Variants in ZDHHC14 observed in about 807,000 individuals in gnomAD.
ZDHHC14 encodes palmitoyltransferase ZDHHC14.
Under a neutral mutation model 47.7 loss-of-function variants are expected in ZDHHC14, and 16 were observed. That is an observed-to-expected ratio of 0.34 (90% CI 0.23 to 0.51). The LOEUF is 0.51. Ranked by LOEUF, ZDHHC14 falls within the 20% of genes least tolerant of loss-of-function variation. The pLI, the probability that ZDHHC14 is intolerant of heterozygous loss-of-function variation, is 0.97. For missense variants in ZDHHC14, 515 were observed against 662.5 expected (o/e 0.78, Z 2.44); for synonymous variants, 293 against 278.9 (o/e 1.05, Z -0.50).
chr6:157,412,779 C>G (rs1042992344), intron 1 of ZDHHC14, among the ~76,000 whole-genome samples: 3 of 152,178 alleles, frequency 2.0e-5, no homozygotes, highest in African/African-American at 4.8e-5. Context: ...ACGTCAGAAT[C>G]AGAGCAAAAC....
intron 3 of ZDHHC14, among the ~76,000 whole-genome samples, chr6:157,610,298 G>A (rs1784703460): frequency 2.6e-5 from 4 of 152,150 alleles, no homozygotes; most frequent in South Asian, 2.1e-4. Context: ...CAGGCGCGGT[G>A]GCAGGTGCCT....
intron 1 of ZDHHC14, among the ~76,000 whole-genome samples, chr6:157,500,876 C>T (rs1284121678): frequency 2.0e-5 from 3 of 152,172 alleles, no homozygotes; most frequent in African/African-American, 7.2e-5. Flanking sequence ...CCTTTTAAAA[C>T]CCTTTTCTCA....
intron 2 of ZDHHC14, among the ~76,000 whole-genome samples, chr6:157,543,371 A>C (rs1033635432): frequency 6.6e-6 from 1 of 151,732 alleles, no homozygotes; most frequent in Non-Finnish European, 1.5e-5. Context: ...AATTAAAAGG[A>C]GTGCTTTTTC....
chr6:157,660,574 CTA>C (rs1232442768), intron 8 of ZDHHC14, among the ~76,000 whole-genome samples: 1 of 152,212 alleles, frequency 6.6e-6, no homozygotes, highest in East Asian at 1.9e-4. Flanking sequence ...AGACCTGGCC[CTA>C]TGTCTAGGAG....
chr6:157,647,997 C>T (rs1433082030), intron 7 of ZDHHC14, among the ~76,000 whole-genome samples: 1 of 152,136 alleles, frequency 6.6e-6, no homozygotes, highest in African/African-American at 2.4e-5. Flanking sequence ...AAGTGAGGCA[C>T]AGAGTTTAAA....
chr6:157,648,863 G>C (rs145899685), intron 7 of ZDHHC14, among the ~76,000 whole-genome samples: 274 of 152,278 alleles, frequency 1.8e-3, no homozygotes, highest in Non-Finnish European at 3.1e-3. Context: ...TCAGGAAACA[G>C]TAAGAGCCAG....
intron 1 of ZDHHC14, among the ~76,000 whole-genome samples, chr6:157,476,003 G>A (rs1010012131): frequency 2.0e-5 from 3 of 151,906 alleles, no homozygotes; most frequent in South Asian, 2.1e-4. Context: ...TCAAAAAAGA[G>A]GAAAGATCCC....
At chr6:157,397,872 G>T (rs1299397235) in intron 1 of ZDHHC14, among the ~76,000 whole-genome samples, 3 of 152,136 alleles carry the variant, frequency 2.0e-5, no homozygotes, top group Non-Finnish European at 2.9e-5. Context: ...TGTCCATCAC[G>T]GTTAATGACA....
At chr6:157,418,069 C>A (rs546371910) in intron 1 of ZDHHC14, among the ~76,000 whole-genome samples, 6 of 152,170 alleles carry the variant, frequency 3.9e-5, no homozygotes, top group African/African-American at 9.7e-5. Flanking sequence ...GCACTTACCC[C>A]ACATGGTCCC....
intron 1 of ZDHHC14, among the ~76,000 whole-genome samples, chr6:157,484,262 T>G (rs936968734): frequency 1.4e-5 from 2 of 142,174 alleles, no homozygotes; most frequent in African/African-American, 5.1e-5. Flanking sequence ...GTTATTTATA[T>G]ATATATGTAT....
chr6:157,614,148 G>A (rs1038227838), intron 3 of ZDHHC14, among the ~76,000 whole-genome samples: 1 of 152,126 alleles, frequency 6.6e-6, no homozygotes, highest in Admixed American at 6.5e-5. Flanking sequence ...GGATGGGGGG[G>A]CGGGGAGTGC....
At chr6:157,564,666 C>T (rs1197051882) in intron 2 of ZDHHC14, among the ~76,000 whole-genome samples, 1 of 152,194 alleles carries the variant, frequency 6.6e-6, no homozygotes, top group Non-Finnish European at 1.5e-5. Flanking sequence ...GAAATAATTT[C>T]TTAAATCTGT....
At chr6:157,390,173 G>C (rs1777394550) in intron 1 of ZDHHC14, among the ~76,000 whole-genome samples, 1 of 152,050 alleles carries the variant, frequency 6.6e-6, no homozygotes, top group Admixed American at 6.6e-5. Flanking sequence ...ACTAGATGTA[G>C]AATTCTAGGT....
intron 7 of ZDHHC14, among the ~76,000 whole-genome samples, chr6:157,651,116 T>C (rs969113448): frequency 6.6e-6 from 1 of 152,212 alleles, no homozygotes; most frequent in African/African-American, 2.4e-5. Context: ...GGCACTGCAG[T>C]CCAACAAGTG....
At position 157,438,915 on chromosome 6, in the gene ZDHHC14, G is replaced by A. The variant is rs184332006; in HGVS notation, c.245+56649G>A. ...TTATAAGTGATAAATTCAGAGTATT[G>A]TCTGGGCGGTAGAGAGTGCCAAGAA... On this transcript the variant is annotated intron_variant, in intron 1 of 8. Transcript: ENST00000359775. Among the ~76,000 whole-genome samples the A allele has an allele frequency of 3.3e-5, 5 of 152,310 alleles. No homozygotes were observed. In the East Asian group the frequency reaches 9.6e-4, roughly 29 times the overall value.
chr6:157,407,115 C>G (rs1264348090), intron 1 of ZDHHC14, among the ~76,000 whole-genome samples: 2 of 152,182 alleles, frequency 1.3e-5, no homozygotes, highest in East Asian at 3.8e-4. Context: ...ACAAATGACC[C>G]TATAATGTAG....
intron 1 of ZDHHC14, among the ~76,000 whole-genome samples, chr6:157,483,744 G>A (rs1779688515): frequency 6.6e-6 from 1 of 152,154 alleles, no homozygotes; most frequent in African/African-American, 2.4e-5. Flanking sequence ...TTGTATGTGT[G>A]CACATGGGTA....
intron 1 of ZDHHC14, among the ~76,000 whole-genome samples, chr6:157,476,635 A>T (rs1779490999): frequency 6.6e-6 from 1 of 152,248 alleles, no homozygotes; most frequent in Non-Finnish European, 1.5e-5. Flanking sequence ...TTCTTGATGA[A>T]CATAGATGCA....
intron 1 of ZDHHC14, among the ~76,000 whole-genome samples, chr6:157,490,723 G>T (rs1433932870): frequency 6.6e-6 from 1 of 152,176 alleles, no homozygotes; most frequent in Non-Finnish European, 1.5e-5. Context: ...CGTAAGGCCA[G>T]TGGGTGAAGA....
Sources: allele counts gnomAD v4.1 joint callset (sites outside exome capture counted in the v4.1 genomes callset), GRCh38; gene constraint gnomAD v4.1.1; transcripts MANE v1.5; gene names NCBI Gene and HGNC (gene_info 2026-07-23, HGNC 2026-07-21).